Variants in ATAD3B observed in about 807,000 individuals in gnomAD.
ATAD3B encodes ATPase family AAA domain-containing protein 3B.
A neutral mutation model predicts 70.2 loss-of-function variants in ATAD3B; 59 were observed. The observed-to-expected ratio is 0.84, with a 90% CI of 0.68 to 1.04. ATAD3B has a LOEUF of 1.04. ATAD3B is among the 50% of genes least tolerant of loss of function. The pLI is 0.00. For synonymous variants in ATAD3B, 423 were observed against 388.6 expected (o/e 1.09, Z -1.04); for missense variants, 961 against 913.4 (o/e 1.05, Z -0.67).
At chr1:1,508,166 G>A in the ATAD3B span, among the ~76,000 whole-genome samples, 1,108 of 151,874 alleles carry the variant, frequency 7.3e-3, 25 homozygotes, top group African/African-American at 0.025. Context: ...ATGATGTTGA[G>A]CAGTCCTGGG....
At chr1:1,509,056 G>C in the ATAD3B span, 3 of 1,374,158 alleles carry the variant, frequency 2.2e-6, no homozygotes, top group Non-Finnish European at 2.9e-6. Flanking sequence ...ACACGTGCTG[G>C]GCTCTGCCGA....
At chr1:1,492,211 G>A (rs1195161832) in intron 15 of ATAD3B, among the ~76,000 whole-genome samples, 1 of 151,840 alleles carries the variant, frequency 6.6e-6, no homozygotes, top group African/African-American at 2.4e-5. Flanking sequence ...TTTGGAACAA[G>A]CCCGGTGGCT....
In ATAD3B at chr1:1,484,924, C is replaced by T. The variant is rs1016161139; in HGVS notation, c.751-92C>T. ...CACGGCCCTGTGCTTCTCCCTCAGG[C>T]GGAGAGAGGGTGGGGGCAGCCCCGT... is the stretch of plus-strand genomic sequence containing the variant. On this transcript the variant is annotated intron_variant, in intron 7 of 15. Coordinates refer to ENST00000673477, the MANE Select transcript of ATAD3B (RefSeq NM_031921.6). The T allele has an allele frequency of 5.6e-5, 83 of 1,491,562 alleles. 2 individuals carry two copies. The highest frequency in any genetic ancestry group is 1.9e-4 in the African/African-American group (14 of 72,134). The allele number at this position is 1,491,562 out of a possible 1,614,324, so 92.4% of individuals were successfully genotyped here.
At chr1:1,488,235 C>G (rs552707942) in intron 12 of ATAD3B, among the ~76,000 whole-genome samples, 1 of 152,064 alleles carries the variant, frequency 6.6e-6, no homozygotes, top group South Asian at 2.1e-4. Flanking sequence ...GGATTACATG[C>G]GTGATCCACC....
chr1:1,489,242 C>CATG lies in ATAD3B; in HGVS notation c.1305_1306insATG (p.Ala435_Phe436insMet). On this transcript the variant is annotated inframe_insertion, in exon 13 of 16. Coordinates refer to ENST00000673477, the MANE Select transcript of ATAD3B (RefSeq NM_031921.6). ...AGGACCTCAGAGCCACACTGAACGC[C>CATG]TTCCTGTACCACATGGGCCAACACA... 10 of 1,613,628 alleles carry CATG rather than the reference C, an allele frequency of 6.2e-6. No individual in the cohort carries two copies. The highest frequency in any genetic ancestry group is 8.5e-6 in the Non-Finnish European group (10 of 1,179,670).
At chr1:1,483,467 C>CAA (rs1640033104) in intron 7 of ATAD3B, 1 of 196,664 alleles carries the variant, frequency 5.1e-6, no homozygotes, top group Non-Finnish European at 1.0e-5. Context: ...AACTCTGTCT[C>CAA]AAAAAAACAA....
intron 1 of ATAD3B, among the ~76,000 whole-genome samples, chr1:1,473,429 C>T (rs911849036): frequency 6.6e-6 from 1 of 151,888 alleles, no homozygotes; most frequent in Non-Finnish European, 1.5e-5. Context: ...TGGTCTCGAT[C>T]TCCTGACCTC....
downstream of ATAD3B, among the ~76,000 whole-genome samples, chr1:1,501,235 G>A (rs550603987): frequency 1.3e-4 from 19 of 149,316 alleles, no homozygotes; most frequent in South Asian, 3.0e-3. Context: ...ACAGATACTC[G>A]CCACTACGCC....
chr1:1,500,807 A>T (rs1057104571), downstream of ATAD3B, among the ~76,000 whole-genome samples: 2 of 147,380 alleles, frequency 1.4e-5, no homozygotes, highest in African/African-American at 2.5e-5. Context: ...CAAAAAAAAA[A>T]TTAGCCGGGC....
chr1:1,494,964 C>T (rs1052493163), intron 15 of ATAD3B, among the ~76,000 whole-genome samples: 2 of 152,094 alleles, frequency 1.3e-5, no homozygotes, highest in African/African-American at 2.4e-5. Context: ...CCAAGGGCCA[C>T]AGCCCCAGTA....
intron 11 of ATAD3B, 106 bp from the exon 12 acceptor site, chr1:1,487,756 AC>A (rs1640303168): frequency 7.3e-7 from 1 of 1,374,688 alleles, no homozygotes; most frequent in Non-Finnish European, 1.0e-6. Context: ...GCAGAGCCTG[AC>A]CCCGTGGGGA....
intron 15 of ATAD3B, among the ~76,000 whole-genome samples, chr1:1,490,877 G>A (rs920272060): frequency 1.3e-5 from 2 of 152,048 alleles, no homozygotes; most frequent in East Asian, 1.9e-4. Context: ...AGGAGGGTGG[G>A]GCCATGTTGG....
chr1:1,491,024 G>A (rs1244019644), intron 15 of ATAD3B, among the ~76,000 whole-genome samples: 1 of 151,988 alleles, frequency 6.6e-6, no homozygotes, highest in African/African-American at 2.4e-5. Flanking sequence ...CGTCAGGACA[G>A]GCCCCGTGTG....
At chr1:1,474,563 C>A (rs1639498267) in intron 1 of ATAD3B, among the ~76,000 whole-genome samples, 1 of 151,262 alleles carries the variant, frequency 6.6e-6, no homozygotes, top group African/African-American at 2.4e-5. Flanking sequence ...GCAGTGGCAT[C>A]ATCTCTGCTC....
intron 2 of ATAD3B, among the ~76,000 whole-genome samples, 186 bp downstream of exon 2, chr1:1,477,536 G>C (rs1232249704): frequency 6.6e-6 from 1 of 151,850 alleles, no homozygotes; most frequent in Non-Finnish European, 1.5e-5. Context: ...CTGCCGCAGA[G>C]CCGCCCGAGA....
Position 1,485,128 on chromosome 1 carries a change from C to T in ATAD3B, c.863C>T (p.Thr288Met), listed in dbSNP as rs746903013. 2.4e-5 allele frequency: 38 copies of T among 1,610,548 alleles called. No individual in the cohort carries two copies. In the Admixed American group the frequency reaches 3.3e-4, roughly 14 times the overall value. Residue 288 changes from threonine to methionine, a missense_variant, in exon 8 of 16, where the codon ACG becomes ATG. By Grantham distance (81) the Thr-to-Met change is moderately conservative. Around this residue, in one of 4 missense-constraint regions of ATAD3B, gnomAD observed 349 missense variants for 307.5 expected, o/e 1.14. Transcript: ENST00000673477. The part of the protein sequence containing the change: ...RLGKPSLVRE[T>M]SRITVLEALR... ...GGGAAGCCGTCCCTAGTGAGGGAGA[C>T]GTCCCGCATCACGGTGCTGGAGGCG...
chr1:1,471,804 G>A lies in ATAD3B; in HGVS notation c.-81G>A, dbSNP rs1639336147. On this transcript the variant is annotated 5_prime_UTR_variant, in exon 1 of 16. Coordinates refer to ENST00000673477, the MANE Select transcript of ATAD3B (RefSeq NM_031921.6). ...GTGGTCCTGGCCACCGGCTCGCGGCGCGTGGAGGCTGCTCCCAGCCGCGCC... is the reference window on the plus strand; with the variant it reads ...GTGGTCCTGGCCACCGGCTCGCGGCACGTGGAGGCTGCTCCCAGCCGCGCC... 4.9e-6 allele frequency: 6 copies of A among 1,225,024 alleles called. No homozygotes were observed. The highest frequency in any genetic ancestry group is 3.2e-4 in the Middle Eastern group (1 of 3,134). 75.9% of individuals were successfully genotyped at this position (1,225,024 alleles called of 1,614,324 possible).
the ATAD3B span, chr1:1,503,745 A>G: frequency 1.9e-6 from 3 of 1,573,840 alleles, no homozygotes; most frequent in Non-Finnish European, 1.7e-6. Flanking sequence ...GCCGGTGGGT[A>G]GGGCTGGTGG....
intron 15 of ATAD3B, among the ~76,000 whole-genome samples, chr1:1,494,522 C>G (rs1252527602): frequency 6.6e-6 from 1 of 151,794 alleles, no homozygotes; most frequent in Non-Finnish European, 1.5e-5. Flanking sequence ...CTCCCGGGCC[C>G]CCGACCCACA....
Sources: allele counts gnomAD v4.1 joint callset (sites outside exome capture counted in the v4.1 genomes callset), GRCh38; gene constraint gnomAD v4.1.1; regional missense constraint gnomAD v4.1.1; transcripts MANE v1.5; gene names NCBI Gene and HGNC (gene_info 2026-07-23, HGNC 2026-07-21).